Variants in ABCC4 observed in about 807,000 individuals in gnomAD.
The protein encoded by ABCC4 is ATP binding cassette subfamily C member 4 (PEL blood group).
ABCC4 carries 102 observed loss-of-function variants against 168.5 expected under a neutral mutation model. That is an observed-to-expected ratio of 0.61 (90% CI 0.52 to 0.71). The LOEUF (loss-of-function observed/expected upper bound fraction) is 0.71. Ranked by LOEUF, ABCC4 falls within the 30% of genes least tolerant of loss-of-function variation. The pLI is 0.00. For synonymous variants in ABCC4, 617 were observed against 590.7 expected, an observed-to-expected ratio of 1.04 and a Z score of -0.65; for missense variants, 1,402 against 1,605.8, an observed-to-expected ratio of 0.87 and a Z score of 2.17.
chr13:95,244,590 A>C (rs200481231), intron 3 of ABCC4, among the ~76,000 whole-genome samples: 16 of 87,066 alleles, frequency 1.8e-4, no homozygotes, highest in Admixed American at 3.7e-4. Flanking sequence ...ATAAAATAAA[A>C]TAACATGAAA....
intron 1 of ABCC4, among the ~76,000 whole-genome samples, chr13:95,272,143 C>G (rs542118749): frequency 6.6e-6 from 1 of 151,898 alleles, no homozygotes; most frequent in Non-Finnish European, 1.5e-5. Context: ...CTCCTAGGTT[C>G]AAGTGATTCT....
chr13:95,299,855 C>G (rs1380626003), intron 1 of ABCC4, among the ~76,000 whole-genome samples: 1 of 152,092 alleles, frequency 6.6e-6, no homozygotes, highest in African/African-American at 2.4e-5. Flanking sequence ...ACCCGCCACT[C>G]CCCCAAGACG....
intron 20 of ABCC4, among the ~76,000 whole-genome samples, chr13:95,099,189 CAAAG>C (rs1444323309): frequency 6.6e-6 from 1 of 151,980 alleles, no homozygotes. Flanking sequence ...AAAAAGAAAA[CAAAG>C]AAATGAACCA....
chr13:95,196,379 G>A (rs2038415068), intron 8 of ABCC4, among the ~76,000 whole-genome samples: 1 of 152,044 alleles, frequency 6.6e-6, no homozygotes, highest in South Asian at 2.1e-4. Context: ...CAACGTCCAG[G>A]AAACTTCCTA....
chr13:95,168,049 G>T lies in ABCC4; in HGVS notation c.1825-1682C>A, dbSNP rs550770612. On this transcript the variant is annotated intron_variant, in intron 14 of 30. Coordinates refer to ENST00000645237, the MANE Select transcript of ABCC4 (RefSeq NM_005845.5). ...CCCAGCCAATTTTTTTGTATTTTCG[G>T]TAGAGATGGGTTTTCACCATGTTGG... Among the ~76,000 whole-genome samples, 17 of 152,234 alleles carry T rather than the reference G, an allele frequency of 1.1e-4. No homozygotes were observed. In the East Asian group the frequency reaches 3.1e-3, roughly 28 times the overall value.
intron 14 of ABCC4, 133 bp downstream of exon 14, chr13:95,170,399 A>T: frequency 1.8e-6 from 1 of 555,762 alleles, no homozygotes; most frequent in Non-Finnish European, 3.1e-6. Context: ...ACATTTCTAC[A>T]AGTCTTTTGA....
chr13:95,114,157 T>C (rs763388462), intron 20 of ABCC4, among the ~76,000 whole-genome samples: 5 of 152,194 alleles, frequency 3.3e-5, no homozygotes, highest in Non-Finnish European at 7.3e-5. Context: ...ACCAAGATTA[T>C]GTGAGTGGAT....
chr13:95,043,737 G>A lies in ABCC4; in HGVS notation c.3680C>T (p.Thr1227Ile), dbSNP rs1426725145. Residue 1227 changes from threonine (T) to isoleucine (I), a missense_variant, in exon 29 of 31, where the codon ACC becomes ATC. Physicochemically the swap from Thr to Ile is moderately conservative, Grantham distance 89 (BLOSUM62 -1). This residue lies in a region of ABCC4 where 1,007 missense variants were observed against 1,127.3 expected (regional missense o/e 0.89). Transcript: ENST00000645237. Reference protein sequence around the residue: ...KKIREKFAHCTVLTIAHRLNT... With the variant: ...KKIREKFAHCIVLTIAHRLNT... ...CAATCTGTGTGCAATGGTTAGCACG[G>A]TGCAGTGGGCAAATTTCTCCCGGAT... 1.2e-6 allele frequency: 2 copies of A among 1,613,982 alleles called. No homozygotes were observed. The highest frequency in any genetic ancestry group is 1.7e-6 in the Non-Finnish European group (2 of 1,179,952).
chr13:95,079,781 C>A (rs551058938), intron 21 of ABCC4, among the ~76,000 whole-genome samples: 20 of 152,000 alleles, frequency 1.3e-4, no homozygotes, highest in African/African-American at 4.8e-4. Flanking sequence ...GTTGCAGTGA[C>A]CCAAGATCAC....
intron 18 of ABCC4, among the ~76,000 whole-genome samples, chr13:95,162,089 C>T (rs1288306764): frequency 6.6e-6 from 1 of 152,170 alleles, no homozygotes; most frequent in African/African-American, 2.4e-5. Flanking sequence ...AAATATTTCC[C>T]TTTCAGATGA....
intron 27 of ABCC4, among the ~76,000 whole-genome samples, chr13:95,050,204 GA>G (rs1178894316): frequency 6.6e-6 from 1 of 152,134 alleles, no homozygotes; most frequent in Non-Finnish European, 1.5e-5. Flanking sequence ...CAATCACCAG[GA>G]AGTAAGATTT....
intron 3 of ABCC4, among the ~76,000 whole-genome samples, chr13:95,240,438 G>A (rs2039904816): frequency 6.6e-6 from 1 of 152,024 alleles, no homozygotes. Context: ...GGCTGAGGCA[G>A]GAGAATCACT....
At chr13:95,044,534 G>T (rs144410539) in intron 27 of ABCC4, 96 bp from the exon 28 acceptor site, 4 of 1,116,450 alleles carry the variant, frequency 3.6e-6, no homozygotes, top group Admixed American at 2.8e-5. Flanking sequence ...CCCTTCTCTC[G>T]AGAGATATAA....
chr13:95,128,764 C>T (rs2035867055), intron 19 of ABCC4, among the ~76,000 whole-genome samples: 1 of 152,154 alleles, frequency 6.6e-6, no homozygotes, highest in Non-Finnish European at 1.5e-5. Context: ...ATTTTTGGTT[C>T]CCTGAACCTA....
intron 19 of ABCC4, among the ~76,000 whole-genome samples, chr13:95,131,419 G>A (rs988785099): frequency 2.0e-5 from 3 of 152,124 alleles, no homozygotes; most frequent in African/African-American, 7.2e-5. Context: ...CCTGACGTCA[G>A]GAATTTGAGA....
chr13:95,073,393 T>G (rs1254219219), intron 23 of ABCC4, 89 bp from the exon 24 acceptor site: 1 of 848,950 alleles, frequency 1.2e-6, no homozygotes, highest in East Asian at 2.7e-5. Context: ...GAACCCTTCA[T>G]AATGTTGAAA....
intron 26 of ABCC4, among the ~76,000 whole-genome samples, chr13:95,057,064 T>C (rs940837358): frequency 1.3e-5 from 2 of 152,236 alleles, no homozygotes; most frequent in African/African-American, 4.8e-5. Context: ...GTCTGAGTTA[T>C]AGTATCACCT....
intron 13 of ABCC4, among the ~76,000 whole-genome samples, chr13:95,172,463 C>T (rs758348924): frequency 5.9e-5 from 9 of 151,358 alleles, no homozygotes; most frequent in African/African-American, 9.7e-5. Flanking sequence ...CCCAGCTACT[C>T]GGCTGGCTGA....
At chr13:95,025,311 C>CA in intron 30 of ABCC4, among the ~76,000 whole-genome samples, 1 of 80,380 alleles carries the variant, frequency 1.2e-5, no homozygotes, top group African/African-American at 5.4e-5. Context: ...ACGCCCACCC[C>CA]CCACACACAC....
Sources: gnomAD v4.1 joint callset for allele counts (sites outside exome capture counted in the v4.1 genomes callset) on GRCh38, gnomAD v4.1.1 for gene constraint, gnomAD v4.1.1 regional missense constraint, MANE v1.5 for transcripts, NCBI Gene and HGNC (gene_info 2026-07-23, HGNC 2026-07-21) for gene names.